GPR158: variants seen among roughly 807,000 people sequenced by gnomAD.
GPR158 encodes the protein metabotropic glycine receptor.
GPR158 carries 30 observed loss-of-function variants against 78.2 expected under a neutral mutation model. That is an observed-to-expected ratio of 0.38 (90% CI 0.29 to 0.52). GPR158 has a LOEUF of 0.52. Among genes scored for constraint, GPR158 ranks in the 20% least tolerant of loss-of-function variants. The pLI, the probability that GPR158 is intolerant of heterozygous loss-of-function variation, is 0.83. For missense variants in GPR158, 1,463 were observed against 1,523.5 expected (o/e 0.96, Z 0.66); for synonymous variants, 581 against 591.1 (o/e 0.98, Z 0.25).
chr10:25,527,990 A>G (rs182928565), intron 5 of GPR158, among the ~76,000 whole-genome samples: 2 of 152,254 alleles, frequency 1.3e-5, no homozygotes, highest in African/African-American at 4.8e-5. Flanking sequence ...AATTGACAGA[A>G]GAGATAGGAA....
intron 3 of GPR158, among the ~76,000 whole-genome samples, chr10:25,411,094 G>GTTTTTTTTTTTTTTT (rs199975784): frequency 6.9e-6 from 1 of 145,262 alleles, no homozygotes; most frequent in African/African-American, 2.5e-5. Context: ...AGTTGTTTCT[G>GTTTTTTTTTTTTTTT]TTTTGTTTTT....
chr10:25,205,661 C>T (rs538341194), intron 1 of GPR158, among the ~76,000 whole-genome samples: 23 of 152,046 alleles, frequency 1.5e-4, no homozygotes, highest in Non-Finnish European at 2.9e-4. Flanking sequence ...TGATGTCTGC[C>T]CTAATGTCAT....
intron 5 of GPR158, among the ~76,000 whole-genome samples, chr10:25,547,660 A>G (rs547160408): frequency 6.6e-6 from 1 of 152,258 alleles, no homozygotes; most frequent in South Asian, 2.1e-4. Flanking sequence ...CAGCAGAGCC[A>G]GTTAGGAGGC....
At chr10:25,595,353 G>C (rs1220777529) in intron 9 of GPR158, among the ~76,000 whole-genome samples, 1 of 152,128 alleles carries the variant, frequency 6.6e-6, no homozygotes, top group African/African-American at 2.4e-5. Context: ...TTGATACTTT[G>C]CATAATATGA....
intron 4 of GPR158, among the ~76,000 whole-genome samples, chr10:25,421,847 T>G (rs1834756046): frequency 6.6e-6 from 1 of 152,218 alleles, no homozygotes; most frequent in South Asian, 2.1e-4. Flanking sequence ...CCATCAATTT[T>G]CAATAAGAGC....
At chr10:25,341,710 T>C (rs1410029257) in intron 2 of GPR158, among the ~76,000 whole-genome samples, 1 of 151,938 alleles carries the variant, frequency 6.6e-6, no homozygotes, top group Non-Finnish European at 1.5e-5. Context: ...TAAACTATTA[T>C]TTTTTAGTAT....
intron 2 of GPR158, among the ~76,000 whole-genome samples, chr10:25,222,449 A>T (rs1853312151): frequency 6.7e-6 from 1 of 150,032 alleles, no homozygotes; most frequent in African/African-American, 2.5e-5. Context: ...ACATCCACAC[A>T]CTTCCTCCCA....
intron 4 of GPR158, among the ~76,000 whole-genome samples, chr10:25,458,767 A>ATC: frequency 6.6e-6 from 1 of 152,352 alleles, no homozygotes; most frequent in South Asian, 2.1e-4. Context: ...TAGTGATCAA[A>ATC]TCTATGTGGT....
At chr10:25,484,827 A>G (rs1173127307) in intron 5 of GPR158, among the ~76,000 whole-genome samples, 4 of 152,192 alleles carry the variant, frequency 2.6e-5, no homozygotes, top group Non-Finnish European at 4.4e-5. Context: ...ATGCAGGTCC[A>G]GGACACATAA....
chr10:25,268,474 T>C (rs1439710067), intron 2 of GPR158, among the ~76,000 whole-genome samples: 2 of 152,102 alleles, frequency 1.3e-5, no homozygotes, highest in Admixed American at 1.3e-4. Flanking sequence ...CATTGAGTTA[T>C]ATATGTGGAA....
At chr10:25,377,654 C>A (rs1273052718) in intron 2 of GPR158, among the ~76,000 whole-genome samples, 1 of 151,988 alleles carries the variant, frequency 6.6e-6, no homozygotes. Flanking sequence ...TGACTGACTG[C>A]TTTCACCTAG....
At chr10:25,236,158 A>G (rs1564398040) in intron 2 of GPR158, among the ~76,000 whole-genome samples, 1 of 152,218 alleles carries the variant, frequency 6.6e-6, no homozygotes, top group African/African-American at 2.4e-5. Context: ...CTCAAGTGCC[A>G]TAACCATGTT....
At chr10:25,500,729 G>A (rs184988594) in intron 5 of GPR158, among the ~76,000 whole-genome samples, 3 of 152,286 alleles carry the variant, frequency 2.0e-5, no homozygotes, top group Admixed American at 1.3e-4. Flanking sequence ...ATCTTGGAGA[G>A]GTATAGACAG....
chr10:25,223,068 TA>T (rs1274417599), intron 2 of GPR158, among the ~76,000 whole-genome samples: 1 of 152,190 alleles, frequency 6.6e-6, no homozygotes, highest in Non-Finnish European at 1.5e-5. Context: ...TGAAATAAAC[TA>T]GGTTATTTCA....
At chr10:25,390,032 T>C (rs1164365864) in intron 2 of GPR158, among the ~76,000 whole-genome samples, 1 of 152,200 alleles carries the variant, frequency 6.6e-6, no homozygotes, top group East Asian at 1.9e-4. Flanking sequence ...GCAGTTCCTC[T>C]TCGCATGCTC....
At chr10:25,194,569 G>C (rs2130646664) in intron 1 of GPR158, among the ~76,000 whole-genome samples, 1 of 152,114 alleles carries the variant, frequency 6.6e-6, no homozygotes, top group East Asian at 1.9e-4. Flanking sequence ...AAGAATGGAA[G>C]AGCCAGAAGT....
chr10:25,365,534 T>C (rs1395644431), intron 2 of GPR158, among the ~76,000 whole-genome samples: 1 of 151,766 alleles, frequency 6.6e-6, no homozygotes, highest in African/African-American at 2.4e-5. Flanking sequence ...GAGTTTTGCA[T>C]AATTCTTATA....
At chr10:25,550,619 A>G (rs527827041) in intron 5 of GPR158, among the ~76,000 whole-genome samples, 185 of 152,236 alleles carry the variant, frequency 1.2e-3, no homozygotes, top group Non-Finnish European at 2.1e-3. Flanking sequence ...TTAAAATTAT[A>G]CTTTAAGTTT....
chr10:25,368,046 G>A (rs372778109), intron 2 of GPR158, among the ~76,000 whole-genome samples: 6 of 151,864 alleles, frequency 4.0e-5, no homozygotes, highest in African/African-American at 1.4e-4. Context: ...ACCTTACTCA[G>A]ATGTGGTGTC....
Sources: allele counts gnomAD v4.1 joint callset (sites outside exome capture counted in the v4.1 genomes callset), GRCh38; gene constraint gnomAD v4.1.1; transcripts MANE v1.5; gene names NCBI Gene and HGNC (gene_info 2026-07-23, HGNC 2026-07-21).